The following AVEN variants were observed in gnomAD, a reference collection of about 807,000 sequenced individuals.
The protein encoded by AVEN is apoptosis and caspase activation inhibitor.
Under a neutral mutation model 38.1 loss-of-function variants are expected in AVEN, and 41 were observed. That is an observed-to-expected ratio of 1.08 (90% CI 0.84 to 1.40). The LOEUF is 1.40. Ranked by LOEUF, AVEN falls within the 40% of genes most tolerant of loss-of-function variation. AVEN has a pLI of 0.00. For missense variants in AVEN, 605 were observed against 438.8 expected (o/e 1.38, Z -3.38); for synonymous variants, 206 against 171.8 (o/e 1.20, Z -1.56).
rs1567403765 is a variant in AVEN at position 33,899,459 on chromosome 15, C to CTTTTTTTTTT, written c.446-23465_446-23464insAAAAAAAAAA. Among the ~76,000 whole-genome samples the CTTTTTTTTTT allele has an allele frequency of 3.6e-5, 3 of 83,260 alleles. No homozygotes were observed. In the East Asian group the frequency reaches 1.3e-3, roughly 36 times the overall value. The allele number at this position is 83,260 out of a possible 152,430, so 54.6% of individuals were successfully genotyped here. On this transcript the variant is annotated intron_variant, in intron 2 of 5. Transcript: ENST00000306730. ...TTACATTTATTTGCTTCAGGGAAAA[C>CTTTTTTTTTT]CTTTTTTTTTTTTTTTTTTTTTTTT...
intron 2 of AVEN, among the ~76,000 whole-genome samples, chr15:33,967,939 G>A (rs676316): frequency 0.97 from 144,285 of 148,684 alleles, 70,075 homozygotes; most frequent in Non-Finnish European, 1. Flanking sequence ...ATACATTTAG[G>A]AAAAAAAAAA....
At chr15:34,057,265 T>C (rs1022237861) in intron 5 of AVEN, among the ~76,000 whole-genome samples, 2 of 151,676 alleles carry the variant, frequency 1.3e-5, no homozygotes, top group African/African-American at 4.8e-5. Flanking sequence ...GCATCCTGAG[T>C]AGCTGAGAAT....
intron 2 of AVEN, among the ~76,000 whole-genome samples, chr15:33,974,867 GA>G (rs1346204747): frequency 6.6e-6 from 1 of 152,160 alleles, no homozygotes; most frequent in African/African-American, 2.4e-5. Flanking sequence ...CCGCTACTTG[GA>G]GGCTGGGGCC....
chr15:33,866,459 T>TCAAA lies in AVEN; in HGVS notation c.*150_*153dup, dbSNP rs1890513784. The TCAAA allele has an allele frequency of 2.6e-5, 16 of 606,520 alleles. No homozygotes were observed. The highest frequency in any genetic ancestry group is 3.5e-5 in the Non-Finnish European group (12 of 340,788). 37.6% of individuals were successfully genotyped at this position (606,520 alleles called of 1,614,324 possible). ...CTGCTTCAATGTATTCTTTCAGATG[T>TCAAA]CAAACACAGAGGTAGGCATTTACTG... On this transcript the variant is annotated 3_prime_UTR_variant, in exon 6 of 6. Transcript: ENST00000306730.
At chr15:33,988,401 C>G (rs1896571055) in intron 2 of AVEN, among the ~76,000 whole-genome samples, 1 of 152,156 alleles carries the variant, frequency 6.6e-6, no homozygotes, top group South Asian at 2.1e-4. Flanking sequence ...AACTTTATTT[C>G]TAAGGCTTAG....
upstream of AVEN, among the ~76,000 whole-genome samples, chr15:34,040,586 C>T (rs987394051): frequency 1.1e-4 from 16 of 152,182 alleles, no homozygotes; most frequent in Non-Finnish European, 2.4e-4. Flanking sequence ...GTGTTGTCTC[C>T]ATTTTACAGA....
At chr15:34,019,555 G>C (rs1374221778) in intron 1 of AVEN, among the ~76,000 whole-genome samples, 1 of 152,162 alleles carries the variant, frequency 6.6e-6, no homozygotes, top group Non-Finnish European at 1.5e-5. Context: ...GACTCACTCA[G>C]AGCAACTTTC....
intron 2 of AVEN, among the ~76,000 whole-genome samples, chr15:33,936,935 T>C (rs760354807): frequency 2.1e-4 from 32 of 151,168 alleles, no homozygotes; most frequent in Non-Finnish European, 4.0e-4. Context: ...ATCGAGACCA[T>C]CCTGGCTAAC....
intron 2 of AVEN, among the ~76,000 whole-genome samples, chr15:33,978,599 G>A (rs1314603316): frequency 1.3e-5 from 2 of 152,012 alleles, no homozygotes; most frequent in Non-Finnish European, 2.9e-5. Flanking sequence ...GGAGGCAGAG[G>A]TTGCAATTAG....
intron 2 of AVEN, among the ~76,000 whole-genome samples, chr15:33,905,819 C>T (rs922115827): frequency 3.1e-3 from 151 of 49,136 alleles, no homozygotes; most frequent in African/African-American, 0.011. Flanking sequence ...GACCTTGTTT[C>T]GGGAAAGAAA....
At chr15:34,056,720 G>A (rs1231481680) in intron 5 of AVEN, among the ~76,000 whole-genome samples, 3 of 151,924 alleles carry the variant, frequency 2.0e-5, no homozygotes, top group East Asian at 1.9e-4. Flanking sequence ...GAGGTAGAGC[G>A]CCCACCAAAA....
intron 5 of AVEN, among the ~76,000 whole-genome samples, chr15:34,044,245 A>G (rs1899598622): frequency 6.6e-6 from 1 of 152,092 alleles, no homozygotes; most frequent in African/African-American, 2.4e-5. Flanking sequence ...TCCACTCCTC[A>G]AGCCTTTTGT....
At chr15:33,925,026 C>T (rs1418964260) in intron 2 of AVEN, among the ~76,000 whole-genome samples, 2 of 152,170 alleles carry the variant, frequency 1.3e-5, no homozygotes, top group African/African-American at 2.4e-5. Context: ...TACCAAATTT[C>T]GCTTTAGGAA....
intron 2 of AVEN, 29 bp from the exon 3 acceptor site, chr15:33,876,024 T>C (rs770738383): frequency 3.8e-6 from 6 of 1,571,308 alleles, no homozygotes; most frequent in South Asian, 3.4e-5. Flanking sequence ...AAAAAATTTA[T>C]GCAAAAGCCA....
At chr15:33,983,880 C>T (rs541647559) in intron 2 of AVEN, among the ~76,000 whole-genome samples, 45 of 151,490 alleles carry the variant, frequency 3.0e-4, no homozygotes, top group Admixed American at 2.0e-3. Flanking sequence ...AAGAAAGGTA[C>T]ATCATCTTAG....
At chr15:34,018,502 G>A (rs114536239) in intron 1 of AVEN, 3,545 of 152,542 alleles carry the variant, frequency 0.023, 154 homozygotes, top group African/African-American at 0.08. Flanking sequence ...TGCGTCCAGA[G>A]TTGTTTGTTT....
intron 2 of AVEN, among the ~76,000 whole-genome samples, chr15:33,973,353 CA>C (rs2140501511): frequency 6.6e-6 from 1 of 152,296 alleles, no homozygotes; most frequent in South Asian, 2.1e-4. Context: ...GTAAATCTAT[CA>C]GGCTCAGTAT....
chr15:33,906,405 A>T (rs1892700975), intron 2 of AVEN, among the ~76,000 whole-genome samples: 1 of 152,212 alleles, frequency 6.6e-6, no homozygotes, highest in South Asian at 2.1e-4. Context: ...TAGATGCCAC[A>T]AGTTGTTCAT....
intron 1 of AVEN, among the ~76,000 whole-genome samples, chr15:34,010,071 G>A (rs1897570413): frequency 6.6e-6 from 1 of 151,974 alleles, no homozygotes; most frequent in South Asian, 2.1e-4. Context: ...AGGGAGAATA[G>A]AAAGTTTAAC....
Sources: allele counts gnomAD v4.1 joint callset (sites outside exome capture counted in the v4.1 genomes callset), GRCh38; gene constraint gnomAD v4.1.1; transcripts MANE v1.5; gene names NCBI Gene and HGNC (gene_info 2026-07-23, HGNC 2026-07-21).